ERC1: variants seen among roughly 807,000 people sequenced by gnomAD.
ERC1 encodes ELKS/RAB6-interacting/CAST family member 1.
A neutral mutation model predicts 132.0 loss-of-function variants in ERC1; 56 were observed. That is an observed-to-expected ratio of 0.42 (90% CI 0.34 to 0.53). The LOEUF (loss-of-function observed/expected upper bound fraction) is 0.53, where lower values mean the gene tolerates loss of function less well. Ranked by LOEUF, ERC1 falls within the 20% of genes least tolerant of loss-of-function variation. The probability of loss-of-function intolerance (pLI) is 0.03; values close to 1 mark genes in which losing one functional copy is unlikely to be tolerated. For synonymous variants in ERC1, 478 were observed against 476.1 expected, an observed-to-expected ratio of 1.00 and a Z score of -0.05; for missense variants, 1,202 against 1,349.9, an observed-to-expected ratio of 0.89 and a Z score of 1.72.
chr12:1,014,599 A>G (rs1228696136), intron 1 of ERC1, among the ~76,000 whole-genome samples: 1 of 152,176 alleles, frequency 6.6e-6, no homozygotes, highest in African/African-American at 2.4e-5. Context: ...CGTACAAATC[A>G]TTTCTGTGTA....
At chr12:1,375,880 G>A (rs2087847550) in intron 16 of ERC1, among the ~76,000 whole-genome samples, 2 of 151,894 alleles carry the variant, frequency 1.3e-5, no homozygotes, top group Non-Finnish European at 2.9e-5. Flanking sequence ...GGGATTATGG[G>A]TGCCCGCCAC....
At chr12:1,302,194 G>T (rs746797506) in intron 15 of ERC1, among the ~76,000 whole-genome samples, 1 of 152,090 alleles carries the variant, frequency 6.6e-6, no homozygotes, top group South Asian at 2.1e-4. Context: ...GGTTTGTTCA[G>T]TATTCAAAAA....
At chr12:1,047,638 A>T (rs1971285241) in intron 2 of ERC1, among the ~76,000 whole-genome samples, 1 of 152,216 alleles carries the variant, frequency 6.6e-6, no homozygotes, top group Admixed American at 6.5e-5. Context: ...GTGTTCCTAC[A>T]TTGTAATGGC....
At chr12:1,056,321 C>A (rs1183806795) in intron 2 of ERC1, among the ~76,000 whole-genome samples, 1 of 151,858 alleles carries the variant, frequency 6.6e-6, no homozygotes, top group African/African-American at 2.4e-5. Context: ...TCATTGATAC[C>A]CAAGATTTGT....
chr12:1,261,898 T>C (rs927574486), intron 13 of ERC1, among the ~76,000 whole-genome samples: 1 of 152,224 alleles, frequency 6.6e-6, no homozygotes, highest in Admixed American at 6.5e-5. Flanking sequence ...ATTTATCAAC[T>C]GTTCATTAAG....
intron 15 of ERC1, among the ~76,000 whole-genome samples, chr12:1,329,542 A>G (rs2082717164): frequency 6.6e-6 from 1 of 152,020 alleles, no homozygotes; most frequent in African/African-American, 2.4e-5. Context: ...CCTGTGAGAA[A>G]GCTGCTTTCA....
intron 17 of ERC1, among the ~76,000 whole-genome samples, chr12:1,411,121 A>G (rs2091822046): frequency 6.6e-6 from 1 of 152,174 alleles, no homozygotes; most frequent in South Asian, 2.1e-4. Flanking sequence ...GGATTGCTGC[A>G]GTGTTCAACA....
intron 12 of ERC1, among the ~76,000 whole-genome samples, chr12:1,232,910 T>C (rs1247392119): frequency 6.6e-6 from 1 of 151,902 alleles, no homozygotes; most frequent in African/African-American, 2.4e-5. Context: ...AAAAAAACAA[T>C]AGAAAAATAA....
chr12:1,386,489 A>C (rs1267428897), intron 16 of ERC1: 1 of 151,594 alleles, frequency 6.6e-6, no homozygotes, highest in Admixed American at 6.6e-5. Flanking sequence ...CTCTACTAAA[A>C]ATACAAAAAT....
chr12:1,110,444 C>G, intron 5 of ERC1, 97 bp downstream of exon 5: 1 of 982,958 alleles, frequency 1.0e-6, no homozygotes. Flanking sequence ...ATTTTACACT[C>G]TTTTATCAGG....
chr12:1,348,790 C>T (rs778929304), intron 15 of ERC1, among the ~76,000 whole-genome samples: 8 of 152,110 alleles, frequency 5.3e-5, no homozygotes, highest in South Asian at 2.1e-4. Flanking sequence ...CACGGGTCAC[C>T]GGAATGTAGG....
At chr12:1,411,166 G>A (rs1190164860) in intron 17 of ERC1, among the ~76,000 whole-genome samples, 1 of 152,128 alleles carries the variant, frequency 6.6e-6, no homozygotes, top group African/African-American at 2.4e-5. Context: ...TCCTTTTCAG[G>A]ACAATTGGCT....
intron 17 of ERC1, among the ~76,000 whole-genome samples, chr12:1,436,971 GAT>G (rs140955841): frequency 2.7e-5 from 4 of 149,154 alleles, no homozygotes; most frequent in Non-Finnish European, 6.0e-5. Context: ...AAGCCATTCA[GAT>G]ATATATATAT....
chr12:1,074,131 G>T (rs188629773), intron 2 of ERC1, among the ~76,000 whole-genome samples: 40 of 152,064 alleles, frequency 2.6e-4, no homozygotes, highest in African/African-American at 9.6e-4. Flanking sequence ...CAAAGTGCTG[G>T]GATTACAGGT....
At chr12:1,404,518 A>G (rs567431071) in intron 16 of ERC1, among the ~76,000 whole-genome samples, 3 of 152,352 alleles carry the variant, frequency 2.0e-5, no homozygotes, top group Admixed American at 1.3e-4. Flanking sequence ...CATTATTTTC[A>G]TATTTTCTCT....
chr12:1,309,836 A>C (rs2081160171), intron 15 of ERC1, among the ~76,000 whole-genome samples: 1 of 151,710 alleles, frequency 6.6e-6, no homozygotes, highest in African/African-American at 2.4e-5. Flanking sequence ...TGTCTGTGTG[A>C]CTGTAAGCAA....
At chr12:1,440,857 A>G (rs900090728) in intron 17 of ERC1, among the ~76,000 whole-genome samples, 1 of 151,474 alleles carries the variant, frequency 6.6e-6, no homozygotes, top group Non-Finnish European at 1.5e-5. Flanking sequence ...TGTTGGCCAG[A>G]CTGCTCTCGA....
chr12:1,375,114 G>A (rs771246832), intron 16 of ERC1, among the ~76,000 whole-genome samples: 34 of 152,158 alleles, frequency 2.2e-4, no homozygotes, highest in African/African-American at 6.7e-4. Flanking sequence ...GTGTTAGTCC[G>A]CTTCCACACT....
chr12:1,308,020 T>A (rs73032711), intron 15 of ERC1, among the ~76,000 whole-genome samples: 5,366 of 152,242 alleles, frequency 0.035, 104 homozygotes, highest in Middle Eastern at 0.075. Context: ...ACCTCAAAGG[T>A]CACATTTGTG....
Sources: gnomAD v4.1 joint callset for allele counts (sites outside exome capture counted in the v4.1 genomes callset) on GRCh38, gnomAD v4.1.1 for gene constraint, MANE v1.5 for transcripts, NCBI Gene and HGNC (gene_info 2026-07-23, HGNC 2026-07-21) for gene names.